C2: variants seen among roughly 807,000 people sequenced by gnomAD.
The protein encoded by C2 is complement C2, also known as C3/C5 convertase.
A neutral mutation model predicts 85.2 loss-of-function variants in C2; 64 were observed. That is an observed-to-expected ratio of 0.75 (90% confidence interval 0.61 to 0.92). The LOEUF (loss-of-function observed/expected upper bound fraction) is 0.92, where lower values mean the gene tolerates loss of function less well. Among genes scored for constraint, C2 ranks in the 40% least tolerant of loss-of-function variants. C2 has a pLI of 0.00. For missense variants in C2, 820 were observed against 971.6 expected, an observed-to-expected ratio of 0.84 and a Z score of 2.07; for synonymous variants, 311 against 370.8, an observed-to-expected ratio of 0.84 and a Z score of 1.85.
Position 31,943,596 on chromosome 6 carries a change from G to A in C2, c.1568-48G>A, listed in dbSNP as rs1771080350. The stretch of plus-strand genomic sequence containing the variant: ...ATCCTACCACCTCACCCAGCCTCTG[G>A]CCCCTGCAGGAGCCCTGGTCTAGCC... On this transcript the variant is annotated intron_variant, in intron 12 of 17. Coordinates refer to ENST00000299367, the MANE Select transcript of C2 (RefSeq NM_000063.6). This position sits in a 1 kb window ranked among gnomAD's most constrained non-coding sequence, Gnocchi z 6.4. The A allele has an allele frequency of 6.2e-7, 1 of 1,610,666 alleles. No homozygotes were observed. The highest frequency in any genetic ancestry group is 8.5e-7 in the Non-Finnish European group (1 of 1,177,920).
At chr6:31,941,921 G>A (rs575706116) in intron 9 of C2, among the ~76,000 whole-genome samples, 31 of 147,790 alleles carry the variant, frequency 2.1e-4, no homozygotes, top group African/African-American at 7.3e-4. Context: ...CGGTTCAAGC[G>A]ATTCTCCTGC....
Position 31,945,492 on chromosome 6 carries a change from A to C in C2, c.*135A>C. 1 of 864,728 alleles carries C rather than the reference A, an allele frequency of 1.2e-6. No individual in the cohort carries two copies. The highest frequency in any genetic ancestry group is 1.4e-5 in the South Asian group (1 of 70,854). The allele number at this position is 864,728 out of a possible 1,614,324, so 53.6% of individuals were successfully genotyped here. On this transcript the variant is annotated 3_prime_UTR_variant, in exon 18 of 18. Transcript: ENST00000299367. This position sits in a 1 kb window ranked among gnomAD's most constrained non-coding sequence, Gnocchi z 5.3. Reference sequence around the variant, plus strand: ...TAAATCCGGGTCTCTAGGATGCCAGAGGCAGCGCACACAAGCTGGGAAATC... The same window carrying C: ...TAAATCCGGGTCTCTAGGATGCCAGCGGCAGCGCACACAAGCTGGGAAATC...
chr6:31,917,770 G>T (rs1020384051), upstream of C2, among the ~76,000 whole-genome samples: 2 of 151,926 alleles, frequency 1.3e-5, no homozygotes, highest in African/African-American at 4.8e-5. Flanking sequence ...GCTGGGCGTG[G>T]TGTCAGCCGT....
chr6:31,923,246 G>T (rs1369797455), upstream of C2, among the ~76,000 whole-genome samples: 1 of 152,218 alleles, frequency 6.6e-6, no homozygotes, highest in Non-Finnish European at 1.5e-5. Context: ...GCCTCCTGGA[G>T]AGCTGACAGT....
intron 8 of C2, among the ~76,000 whole-genome samples, chr6:31,938,481 C>CATATATATATAT (rs28993458): frequency 3.5e-5 from 5 of 142,990 alleles, no homozygotes; most frequent in Admixed American, 7.1e-5. Context: ...TGTATACATA[C>CATATATATATAT]ATATATATAT....
At chr6:31,910,027 C>T (rs569139502) in intron 1 of C2, among the ~76,000 whole-genome samples, 3 of 151,438 alleles carry the variant, frequency 2.0e-5, no homozygotes, top group East Asian at 2.0e-4. Context: ...ACTACAGTCA[C>T]GCGCCACCAC....
At chr6:31,931,262 C>CT (rs748883719) in intron 3 of C2, among the ~76,000 whole-genome samples, 5,924 of 111,372 alleles carry the variant, frequency 0.053, 124 homozygotes, top group South Asian at 0.1. Flanking sequence ...TAGGAACATT[C>CT]TTTTTTTTTT....
At position 31,928,726 on chromosome 6, in the gene C2, C is replaced by A; in HGVS notation, c.257-6C>A. On this transcript the variant is annotated splice_polypyrimidine_tract_variant and splice_region_variant and intron_variant, in intron 2 of 17. Transcript: ENST00000299367. ...TATATTCCCCACCCACTTCCTCTCTCTCCAGCTGTGCGCTGTCCAGCCCCT... is the reference window on the plus strand; with the variant it reads ...TATATTCCCCACCCACTTCCTCTCTATCCAGCTGTGCGCTGTCCAGCCCCT... 1 of 1,614,214 alleles carries A rather than the reference C, an allele frequency of 6.2e-7. No homozygotes were observed. The highest frequency in any genetic ancestry group is 8.5e-7 in the Non-Finnish European group (1 of 1,180,018).
At chr6:31,927,621 C>T, upstream of C2, 1 of 1,600,834 alleles carries the variant, frequency 6.2e-7, no homozygotes, top group Non-Finnish European at 8.5e-7. This position sits in a 1 kb window ranked among gnomAD's most constrained non-coding sequence, Gnocchi z 4.7. Context: ...AGACCATCCC[C>T]CTTGCCACTC....
chr6:31,909,506 G>C (rs1767944182), intron 1 of C2, among the ~76,000 whole-genome samples: 1 of 151,776 alleles, frequency 6.6e-6, no homozygotes, highest in South Asian at 2.1e-4. Context: ...GCTCAGGCTG[G>C]TCTGGAACTC....
intron 3 of C2, among the ~76,000 whole-genome samples, chr6:31,930,972 C>G (rs1473834180): frequency 1.3e-5 from 2 of 152,230 alleles, no homozygotes; most frequent in Non-Finnish European, 2.9e-5. Context: ...TGTCCCCTCC[C>G]ACAAGGTAAC....
rs763450579 is a variant in C2 at position 31,943,670 on chromosome 6, G to T, written c.1594G>T (p.Glu532Ter). The change falls in exon 13 of 18, where the codon GAA (glutamate) becomes TAA (stop). Residue 532 changes from glutamate to a stop codon, truncating the protein, a stop_gained. Transcript: ENST00000299367. LOFTEE classifies it high-confidence loss of function. The surrounding 1 kb of genome is among the most constrained non-coding windows in gnomAD (Gnocchi z 6.4). ...VGDPKSQWGK[E>*]FLIEKAVISP... ...AGACCCCAAATCCCAGTGGGGCAAA[G>T]AATTCCTTATTGAGAAGGCGGTGAT... 3.1e-6 allele frequency: 5 copies of T among 1,613,086 alleles called. No homozygotes were observed. Among genetic ancestry groups the T allele is most frequent in the Non-Finnish European group, 3.4e-6 (4 of 1,180,036 alleles).
At chr6:31,916,575 AAAAG>A (rs1402016126), upstream of C2, among the ~76,000 whole-genome samples, 16 of 151,336 alleles carry the variant, frequency 1.1e-4, no homozygotes, top group Non-Finnish European at 2.2e-4. Context: ...AAAAAAAAAA[AAAAG>A]AGTGATGTCA....
rs1771334630 is a variant in C2 at position 31,945,546 on chromosome 6, C to T, written c.*189C>T. ...AGGGCTCCTACCAGCAGGACTGCCTCGCTGCCCCACCTCCCGCTCCTTGGC... is the reference window on the plus strand; with the variant it reads ...AGGGCTCCTACCAGCAGGACTGCCTTGCTGCCCCACCTCCCGCTCCTTGGC... On this transcript the variant is annotated 3_prime_UTR_variant, in exon 18 of 18. Transcript: ENST00000299367. This position sits in a 1 kb window ranked among gnomAD's most constrained non-coding sequence, Gnocchi z 5.3. 7.9e-6 allele frequency: 5 copies of T among 635,904 alleles called. No homozygotes were observed. Among genetic ancestry groups the T allele is most frequent in the South Asian group, 3.6e-5 (2 of 55,956 alleles). The allele number at this position is 635,904 out of a possible 1,614,324, so 39.4% of individuals were successfully genotyped here. A position where few individuals can be genotyped will look rare whatever the true frequency, so the allele number is the denominator to read the frequency against.
In C2 at chr6:31,937,379, T is replaced by C; in HGVS notation, c.1049T>C (p.Met350Thr). 1 of 1,612,856 alleles carries C rather than the reference T, an allele frequency of 6.2e-7. No homozygotes were observed. The highest frequency in any genetic ancestry group is 1.1e-5 in the South Asian group (1 of 91,066). ...YAALNSVYLM[M>T]NNQMRLLGME... ...GCCTTAAACAGTGTCTATCTCATGA[T>C]GAACAACCAAATGCGACTCCTCGGC... Residue 350 changes from methionine to threonine, a missense_variant, in exon 8 of 18, where the codon ATG becomes ACG. By Grantham distance (81) the Met-to-Thr change is moderately conservative. Transcript: ENST00000299367.
At chr6:31,930,233 C>T (rs1044681616) in intron 3 of C2, among the ~76,000 whole-genome samples, 13 of 151,948 alleles carry the variant, frequency 8.6e-5, no homozygotes, top group African/African-American at 2.7e-4. Flanking sequence ...AGGCATGCGC[C>T]ACCATGCCTC....
chr6:31,924,090 G>A (rs1425497888), upstream of C2, among the ~76,000 whole-genome samples: 1 of 152,174 alleles, frequency 6.6e-6, no homozygotes, highest in Non-Finnish European at 1.5e-5. Flanking sequence ...GTGAACCACC[G>A]CGCCCGGCCT....
rs752447090 is a variant in C2 at position 31,943,437 on chromosome 6, CG to C, written c.1483del (p.Ala495ProfsTer9). 14 of 1,612,888 alleles carry C rather than the reference CG, an allele frequency of 8.7e-6. No individual in the cohort carries two copies. Among genetic ancestry groups the C allele is most frequent in the African/African-American group, 2.7e-5 (2 of 74,912 alleles). ...GCAGCCCAAGAGCCAAGAGACCTGC[CG>C]GGGGGCCCTCATCTCCGACCAATGG... Reference protein sequence around the residue: ...TIKPKSQETCRGALISDQWVL... With the variant: ...TIKPKSQETCXGALISDQWVL... On this transcript the variant is annotated frameshift_variant, in exon 12 of 18. Transcript: ENST00000299367. LOFTEE classifies it high-confidence loss of function. The surrounding 1 kb of genome is among the most constrained non-coding windows in gnomAD (Gnocchi z 6.4).
chr6:31,900,413 G>T, upstream of C2: 1 of 1,548,516 alleles, frequency 6.5e-7, no homozygotes, highest in South Asian at 1.2e-5. The surrounding 1 kb of genome is among the most constrained non-coding windows in gnomAD (Gnocchi z 9.7). Context: ...GGCCACCGCT[G>T]CTGCTTCCAC....
Sources: gnomAD v4.1 joint callset for allele counts (sites outside exome capture counted in the v4.1 genomes callset) on GRCh38, gnomAD v4.1.1 for gene constraint, Gnocchi (gnomAD v3.1) non-coding constraint, MANE v1.5 for transcripts, NCBI Gene and HGNC (gene_info 2026-07-23, HGNC 2026-07-21) for gene names.